The following SUGP1 variants were observed in gnomAD, a reference collection of about 807,000 sequenced individuals.
The protein encoded by SUGP1 is SURP and G-patch domain-containing protein 1.
In SUGP1, 34 loss-of-function variants were observed where a neutral mutation model predicts 76.5. The ratio of observed to expected loss-of-function variants is 0.44; its 90% CI spans 0.34 to 0.59. The LOEUF (loss-of-function observed/expected upper bound fraction) is 0.59, where lower values mean the gene tolerates loss of function less well. Among genes scored for constraint, SUGP1 ranks in the 20% least tolerant of loss-of-function variants. The probability of loss-of-function intolerance (pLI) is 0.01; values close to 1 mark genes in which losing one functional copy is unlikely to be tolerated. For missense variants in SUGP1, 752 were observed against 851.7 expected (o/e 0.88, Z 1.46); for synonymous variants, 326 against 326.2 (o/e 1.00, Z 0.01).
rs199887237 is a variant in SUGP1 at position 19,310,172 on chromosome 19, T to A, written c.235A>T (p.Ile79Phe). 3.7e-6 allele frequency: 6 copies of A among 1,613,748 alleles called. No homozygotes were observed. The highest frequency in any genetic ancestry group is 5.1e-6 in the Non-Finnish European group (6 of 1,179,708). The change falls in exon 3 of 14, where the codon ATT becomes TTT. Residue 79 changes from isoleucine (I) to phenylalanine (F), a missense_variant. This residue lies in a region of SUGP1 where 620 missense variants were observed against 617.3 expected (regional missense o/e 1.00). Transcript: ENST00000247001. Reference protein sequence around the residue: ...EITNAHNSSCISNKFANDGSF... With the variant: ...EITNAHNSSCFSNKFANDGSF... ...CCATCGTTGGCAAACTTGTTGGAAATGCAGGAAGAGTTGTGTGCATTTGTG... is the reference window on the plus strand; with the variant it reads ...CCATCGTTGGCAAACTTGTTGGAAAAGCAGGAAGAGTTGTGTGCATTTGTG...
chr19:19,276,772 C>G (rs2061052674), intron 13 of SUGP1, 98 bp from the exon 14 acceptor site: 1 of 1,586,726 alleles, frequency 6.3e-7, no homozygotes, highest in Admixed American at 1.7e-5. Context: ...AGCCCGCACC[C>G]TTGAGGTGGC....
At chr19:19,284,325 T>C (rs1189720750) in intron 8 of SUGP1, among the ~76,000 whole-genome samples, 2 of 152,148 alleles carry the variant, frequency 1.3e-5, no homozygotes, top group Admixed American at 6.6e-5. Context: ...ATGGCGGAAG[T>C]GCTCCCAAGA....
chr19:19,286,459 T>A (rs1184425652), intron 8 of SUGP1, among the ~76,000 whole-genome samples: 1 of 152,182 alleles, frequency 6.6e-6, no homozygotes, highest in Non-Finnish European at 1.5e-5. Flanking sequence ...TAGAGAAAAC[T>A]GTCTTCAGAT....
intron 4 of SUGP1, 141 bp downstream of exon 4, chr19:19,305,708 G>C (rs1199011915): frequency 1.3e-6 from 1 of 792,730 alleles, no homozygotes; most frequent in Non-Finnish European, 2.0e-6. Flanking sequence ...CAGAGGGCCT[G>C]AGGCTCAGCT....
chr19:19,278,872 C>G, intron 10 of SUGP1, 76 bp from the exon 11 acceptor site: 1 of 1,473,434 alleles, frequency 6.8e-7, no homozygotes, highest in South Asian at 1.2e-5. Flanking sequence ...TCCCAGGGCA[C>G]AGGTATGAGG....
At chr19:19,317,864 G>A (rs1280220280) in intron 1 of SUGP1, among the ~76,000 whole-genome samples, 1 of 136,850 alleles carries the variant, frequency 7.3e-6, no homozygotes, top group Non-Finnish European at 1.5e-5. Context: ...AAGATGGAAT[G>A]CAGTGGCACC....
chr19:19,310,035 T>C, intron 3 of SUGP1, 62 bp downstream of exon 3: 1 of 1,363,266 alleles, frequency 7.3e-7, no homozygotes, highest in Non-Finnish European at 1.0e-6. Flanking sequence ...ACTTCCCATG[T>C]GCCCAGCAAC....
chr19:19,320,405 G>A (rs938232882), intron 1 of SUGP1, 58 bp downstream of exon 1: 69 of 1,584,438 alleles, frequency 4.4e-5, no homozygotes, highest in Non-Finnish European at 5.9e-5. Flanking sequence ...AGGAGTCAGG[G>A]GAGACACCTA....
chr19:19,296,470 C>T (rs554469403), intron 8 of SUGP1, among the ~76,000 whole-genome samples: 1 of 152,066 alleles, frequency 6.6e-6, no homozygotes, highest in South Asian at 2.1e-4. Flanking sequence ...CACAGTAAAA[C>T]CCCATCTCTA....
At chr19:19,278,854 C>G in intron 10 of SUGP1, 58 bp from the exon 11 acceptor site, 1 of 1,532,868 alleles carries the variant, frequency 6.5e-7, no homozygotes, top group Non-Finnish European at 8.9e-7. Flanking sequence ...GGGAGCAGGC[C>G]TGGTGGCTCC....
At chr19:19,302,062 G>C in intron 7 of SUGP1, 1 of 718,800 alleles carries the variant, frequency 1.4e-6, no homozygotes, top group Non-Finnish European at 2.2e-6. Flanking sequence ...ACCTGCCTCA[G>C]AGACTACCCA....
chr19:19,315,195 G>A (rs577710351), intron 2 of SUGP1, among the ~76,000 whole-genome samples: 3 of 152,094 alleles, frequency 2.0e-5, no homozygotes, highest in Admixed American at 1.3e-4. Flanking sequence ...AGGCATGGTG[G>A]CACGTGCCTG....
intron 2 of SUGP1, among the ~76,000 whole-genome samples, chr19:19,314,190 G>A (rs2061374810): frequency 6.6e-6 from 1 of 151,724 alleles, no homozygotes; most frequent in Non-Finnish European, 1.5e-5. Flanking sequence ...CGGGCATCGT[G>A]GCGCACACTG....
intron 8 of SUGP1, among the ~76,000 whole-genome samples, chr19:19,286,818 TG>T (rs2061143714): frequency 6.6e-6 from 1 of 152,130 alleles, no homozygotes; most frequent in Admixed American, 6.5e-5. Context: ...CCGAGGCAGG[TG>T]GATCACCTGA....
In SUGP1 at chr19:19,278,577, T is replaced by G; in HGVS notation, c.1635+113A>C. The G allele has an allele frequency of 4.5e-6, 4 of 888,368 alleles. No individual in the cohort carries two copies. The East Asian group carries it at 8.0e-5, about 18-fold the overall frequency. 55.0% of individuals were successfully genotyped at this position (888,368 alleles called of 1,614,324 possible). On this transcript the variant is annotated intron_variant, in intron 11 of 13. Coordinates refer to ENST00000247001, the MANE Select transcript of SUGP1 (RefSeq NM_172231.4). ...GCCTCCTGCAGCGAAAAGGCCTGGC[T>G]CCTGCTGTGATCGAGAGGGTAGCCA...
intron 8 of SUGP1, among the ~76,000 whole-genome samples, chr19:19,283,545 C>G (rs1568619575): frequency 6.6e-6 from 1 of 152,162 alleles, no homozygotes; most frequent in African/African-American, 2.4e-5. Context: ...ACCTCCGCCT[C>G]CTGGGTTCAA....
At position 19,304,871 on chromosome 19, in the gene SUGP1, C is replaced by G. The variant is rs1331965115; in HGVS notation, c.538+978G>C. 2.6e-5 allele frequency among the ~76,000 whole-genome samples: 4 copies of G among 152,144 alleles called. No individual in the cohort carries two copies. The East Asian group carries it at 7.7e-4, about 29-fold the overall frequency. ...GGTCCCGAGAGCATTCCGTGACTGT[C>G]TTTCACCCTAGGTCGCCCTCCTGCC... On this transcript the variant is annotated intron_variant, in intron 4 of 13. Coordinates refer to ENST00000247001, the MANE Select transcript of SUGP1 (RefSeq NM_172231.4).
chr19:19,280,365 T>C, intron 8 of SUGP1, 74 bp from the exon 9 acceptor site: 1 of 1,329,052 alleles, frequency 7.5e-7, no homozygotes, highest in Non-Finnish European at 1.1e-6. Context: ...TGGGGTGTGC[T>C]GTGAGTCTCA....
chr19:19,308,786 C>T (rs1182435435), intron 3 of SUGP1, among the ~76,000 whole-genome samples: 1 of 152,226 alleles, frequency 6.6e-6, no homozygotes, highest in Non-Finnish European at 1.5e-5. Context: ...CTCCACCTGC[C>T]CCAGACTGAA....
Sources: allele counts gnomAD v4.1 joint callset (sites outside exome capture counted in the v4.1 genomes callset), GRCh38; gene constraint gnomAD v4.1.1; regional missense constraint gnomAD v4.1.1; transcripts MANE v1.5; gene names NCBI Gene and HGNC (gene_info 2026-07-23, HGNC 2026-07-21).